The following USP4 variants were observed in gnomAD, a reference collection of about 807,000 sequenced individuals.
USP4 encodes ubiquitin specific peptidase 4.
A neutral mutation model predicts 118.2 loss-of-function variants in USP4; 72 were observed. That is an observed-to-expected ratio of 0.61 (90% CI 0.50 to 0.74). The LOEUF (loss-of-function observed/expected upper bound fraction) is 0.74, where lower values mean the gene tolerates loss of function less well. Among genes scored for constraint, USP4 ranks in the 30% least tolerant of loss-of-function variants. USP4 has a pLI of 0.00. For synonymous variants in USP4, 415 were observed against 440.4 expected (o/e 0.94, Z 0.72); for missense variants, 1,037 against 1,185.7 (o/e 0.87, Z 1.84).
In USP4 at chr3:49,294,539, A is replaced by G; in HGVS notation, c.1751T>C (p.Phe584Ser). Residue 584 changes from phenylalanine to serine, a missense_variant, in exon 14 of 22, where the codon TTC becomes TCC. Physicochemically the swap from Phe to Ser is radical, Grantham distance 155. Transcript: ENST00000265560. The part of the protein sequence containing the change: ...GSECVTLPVY[F>S]RERKSRPSST... ...TGATGGCCTGGACTTCCTCTCCCTGAAGTAGACTGGAAGCGTGACACATTC... is the reference window on the plus strand; with the variant it reads ...TGATGGCCTGGACTTCCTCTCCCTGGAGTAGACTGGAAGCGTGACACATTC... 6.2e-7 allele frequency: 1 copy of G among 1,614,172 alleles called. No homozygotes were observed. The highest frequency in any genetic ancestry group is 8.5e-7 in the Non-Finnish European group (1 of 1,180,026).
Position 49,284,064 on chromosome 3 carries a change from C to CAGGATA in USP4, c.2462_2463insTATCCT (p.Ile820_Leu821dup), listed in dbSNP as rs778123531. 1 of 1,614,248 alleles carries CAGGATA rather than the reference C, an allele frequency of 6.2e-7. No individual in the cohort carries two copies. Among genetic ancestry groups the CAGGATA allele is most frequent in the Non-Finnish European group, 8.5e-7 (1 of 1,180,050 alleles). ...AGGAGAAACGTTTGAGGTGGACCAC[C>CAGGATA]AGGATCTTGGGCAAGGACCATAGGT... On this transcript the variant is annotated inframe_insertion, in exon 19 of 22. Transcript: ENST00000265560.
intron 8 of USP4, among the ~76,000 whole-genome samples, chr3:49,307,877 C>T (rs531666562): frequency 2.6e-5 from 4 of 152,180 alleles, no homozygotes; most frequent in Admixed American, 1.3e-4. Flanking sequence ...GTGGTACACA[C>T]TTGTAGTCCC....
intron 6 of USP4, among the ~76,000 whole-genome samples, chr3:49,322,303 T>C (rs1184853131): frequency 2.0e-5 from 3 of 152,230 alleles, no homozygotes; most frequent in Non-Finnish European, 2.9e-5. Context: ...CAGAATTTCC[T>C]TGTGTGCTTA....
chr3:49,303,695 C>G (rs1435741501), intron 9 of USP4, among the ~76,000 whole-genome samples: 1 of 152,124 alleles, frequency 6.6e-6, no homozygotes, highest in African/African-American at 2.4e-5. Flanking sequence ...TACCCCTAAA[C>G]ACTACCTTCC....
intron 20 of USP4, 41 bp from the exon 21 acceptor site, chr3:49,278,943 G>T: frequency 7.3e-7 from 1 of 1,369,226 alleles, no homozygotes; most frequent in Admixed American, 1.9e-5. Context: ...GGTCTCCAGA[G>T]AATTAATCTG....
At position 49,339,935 on chromosome 3, in the gene USP4, G is replaced by A; in HGVS notation, c.90C>T (p.Arg30=). 2 of 1,612,788 alleles carry A rather than the reference G, an allele frequency of 1.2e-6. No homozygotes were observed. The highest frequency in any genetic ancestry group is 1.7e-6 in the Non-Finnish European group (2 of 1,179,626). The change falls in exon 1 of 22, where the codon CGC becomes CGT. Residue 30 remains arginine (R), a synonymous_variant. Coordinates refer to ENST00000265560, the MANE Select transcript of USP4 (RefSeq NM_003363.4). ...AGCCGGGAGCTCACCACTGCGCCCCGCGTTGGAGTGTGGTCCTCATTAAGG... is the reference window on the plus strand; with the variant it reads ...AGCCGGGAGCTCACCACTGCGCCCCACGTTGGAGTGTGGTCCTCATTAAGG... ...LGPLMRTTLQ[R]GAQWYLIDSR...
chr3:49,292,705 G>T, intron 14 of USP4, 107 bp from the exon 15 acceptor site: 1 of 719,130 alleles, frequency 1.4e-6, no homozygotes, highest in Non-Finnish European at 2.3e-6. Context: ...ATGGATGATA[G>T]CTACTGACAA....
At position 49,277,220 on chromosome 3, in the gene USP4, A is replaced by C. The variant is rs1012268705; in HGVS notation, c.*1073T>G. ...AGTGACGCCGACCCATCCAACGGTC[A>C]TCGCATGCGCGTGCCCCGCGCAGGC... On this transcript the variant is annotated 3_prime_UTR_variant, in exon 22 of 22. Coordinates refer to ENST00000265560, the MANE Select transcript of USP4 (RefSeq NM_003363.4). The C allele has an allele frequency of 2.3e-6, 3 of 1,326,258 alleles. No individual in the cohort carries two copies. In the Admixed American group the frequency reaches 6.7e-5, roughly 30 times the overall value. The allele number at this position is 1,326,258 out of a possible 1,614,324, so 82.2% of individuals were successfully genotyped here.
chr3:49,309,983 C>CTGT (rs1437171753), intron 8 of USP4, among the ~76,000 whole-genome samples: 3 of 69,584 alleles, frequency 4.3e-5, no homozygotes, highest in Non-Finnish European at 7.8e-5. Context: ...GAGTCTCACT[C>CTGT]TGTTGCCCAG....
chr3:49,335,107 A>AC (rs1297716131), intron 2 of USP4, among the ~76,000 whole-genome samples: 1 of 152,162 alleles, frequency 6.6e-6, no homozygotes, highest in Non-Finnish European at 1.5e-5. Flanking sequence ...AATTTGTTCC[A>AC]CTGCAAAGGT....
chr3:49,279,028 A>T, intron 20 of USP4, 126 bp from the exon 21 acceptor site: 1 of 527,414 alleles, frequency 1.9e-6, no homozygotes. Context: ...AAAAGTTTAC[A>T]GTGTGTGTCT....
At position 49,280,741 on chromosome 3, in the gene USP4, T is replaced by TA. The variant is rs1463477871; in HGVS notation, c.2644+2dup. The stretch of plus-strand genomic sequence containing the variant: ...TCAGAAGGAAGCAGATGTCAATACT[T>TA]ACAGTGGCCAACCCCCATGGCTCCA... On this transcript the variant is annotated splice_region_variant and intron_variant, in intron 20 of 21. Transcript: ENST00000265560. 2 of 1,613,488 alleles carry TA rather than the reference T, an allele frequency of 1.2e-6. No homozygotes were observed. The highest frequency in any genetic ancestry group is 1.7e-5 in the Admixed American group (1 of 59,996).
chr3:49,327,148 C>T (rs565618031), intron 3 of USP4, among the ~76,000 whole-genome samples: 1 of 152,288 alleles, frequency 6.6e-6, no homozygotes, highest in African/African-American at 2.4e-5. Context: ...CGCTGCTGGG[C>T]ACATTCCAAG....
chr3:49,311,719 T>C, intron 6 of USP4, 65 bp from the exon 7 acceptor site: 1 of 1,577,184 alleles, frequency 6.3e-7, no homozygotes, highest in South Asian at 1.2e-5. Flanking sequence ...ATTTAATGCC[T>C]TAGGTTGCTT....
intron 2 of USP4, among the ~76,000 whole-genome samples, chr3:49,334,051 T>C (rs1340689514): frequency 1.3e-5 from 2 of 151,314 alleles, no homozygotes; most frequent in African/African-American, 2.4e-5. Flanking sequence ...TGATCACTGA[T>C]CACCATAACA....
intron 8 of USP4, among the ~76,000 whole-genome samples, chr3:49,309,507 C>T (rs2047357790): frequency 6.6e-6 from 1 of 152,126 alleles, no homozygotes; most frequent in South Asian, 2.1e-4. Context: ...ATACTACCCC[C>T]TCAGCCTCCC....
At position 49,284,010 on chromosome 3, in the gene USP4, G is replaced by A. The variant is rs2047067554; in HGVS notation, c.2517C>T (p.Asp839=). The A allele has an allele frequency of 1.2e-6, 2 of 1,614,258 alleles. No homozygotes were observed. Among genetic ancestry groups the A allele is most frequent in the Admixed American group, 3.3e-5 (2 of 60,024 alleles). ...SYNRYWRDKL[D]TVVEFPIRGL... is the part of the protein sequence containing the mutation. Reference sequence around the variant, plus strand: ...ACCTGATTGGGAATTCTACGACTGTGTCGAGCTTATCCCTCCAGTATCTGT... The same window carrying A: ...ACCTGATTGGGAATTCTACGACTGTATCGAGCTTATCCCTCCAGTATCTGT... Residue 839 remains aspartate, a synonymous_variant, in exon 19 of 22, where the codon GAC becomes GAT. Transcript: ENST00000265560.
intron 6 of USP4, among the ~76,000 whole-genome samples, chr3:49,322,243 C>T (rs575560148): frequency 2.0e-5 from 3 of 152,318 alleles, no homozygotes; most frequent in South Asian, 2.1e-4. Flanking sequence ...TGTCTACCTT[C>T]TCTCATTCAT....
At chr3:49,282,352 G>A (rs1252372727) in intron 19 of USP4, among the ~76,000 whole-genome samples, 1 of 151,770 alleles carries the variant, frequency 6.6e-6, no homozygotes, top group African/African-American at 2.4e-5. Flanking sequence ...TTGACTCACT[G>A]CAACCTCTGC....
Sources: allele counts gnomAD v4.1 joint callset (sites outside exome capture counted in the v4.1 genomes callset), GRCh38; gene constraint gnomAD v4.1.1; transcripts MANE v1.5; gene names NCBI Gene and HGNC (gene_info 2026-07-23, HGNC 2026-07-21).